GSE1: variants seen among roughly 807,000 people sequenced by gnomAD.
GSE1 encodes genetic suppressor element 1.
GSE1 carries 32 observed loss-of-function variants against 112.6 expected under a neutral mutation model. The ratio of observed to expected loss-of-function variants is 0.28; its 90% CI spans 0.21 to 0.38. The LOEUF is 0.38. GSE1 is among the 10% of genes least tolerant of loss of function. GSE1 has a pLI of 1.00. For synonymous variants in GSE1, 1,115 were observed against 735.6 expected, an observed-to-expected ratio of 1.52 and a Z score of -8.35; for missense variants, 2,348 against 1,699.2, an observed-to-expected ratio of 1.38 and a Z score of -6.71.
intron 2 of GSE1, chr16:85,489,870 A>C (rs11640642): frequency 6.6e-6 from 1 of 152,028 alleles, no homozygotes; most frequent in Non-Finnish European, 1.5e-5. Flanking sequence ...GAGGAGAGAC[A>C]GGCAGGAAAG....
At chr16:85,300,770 T>G (rs1364885638) in intron 1 of GSE1, among the ~76,000 whole-genome samples, 1 of 152,040 alleles carries the variant, frequency 6.6e-6, no homozygotes, top group Non-Finnish European at 1.5e-5. Flanking sequence ...AGTCTCACGC[T>G]GTGTGGATGG....
At chr16:85,226,572 G>T (rs1020418759) in intron 1 of GSE1, among the ~76,000 whole-genome samples, 1 of 152,080 alleles carries the variant, frequency 6.6e-6, no homozygotes, top group Non-Finnish European at 1.5e-5. Flanking sequence ...GGCATCTTAC[G>T]TCCTTGGGCC....
intron 1 of GSE1, among the ~76,000 whole-genome samples, chr16:85,246,686 C>G (rs1905877970): frequency 6.6e-6 from 1 of 152,110 alleles, no homozygotes. Context: ...CACTCCCACC[C>G]TCGGAGGCCC....
intron 1 of GSE1, among the ~76,000 whole-genome samples, chr16:85,614,901 G>A (rs960568281): frequency 6.6e-6 from 1 of 152,180 alleles, no homozygotes; most frequent in African/African-American, 2.4e-5. Flanking sequence ...CCGCACTCCG[G>A]GTGGAAGCGA....
At chr16:85,529,948 A>AG (rs1198276047) in intron 2 of GSE1, among the ~76,000 whole-genome samples, 1 of 152,216 alleles carries the variant, frequency 6.6e-6, no homozygotes, top group Non-Finnish European at 1.5e-5. Flanking sequence ...GTGTGTGGAC[A>AG]GGCACTGGCA....
At chr16:85,590,938 G>A (rs1298214008) in intron 1 of GSE1, among the ~76,000 whole-genome samples, 1 of 152,296 alleles carries the variant, frequency 6.6e-6, no homozygotes, top group South Asian at 2.1e-4. Flanking sequence ...CATGCGGTGG[G>A]GGGGACCAGA....
In GSE1 at chr16:85,532,317, G is replaced by A. The variant is rs992221592; in HGVS notation, c.2465-101597G>A. Among the ~76,000 whole-genome samples the A allele has an allele frequency of 3.3e-5, 5 of 152,272 alleles. No homozygotes were observed. In the South Asian group the frequency reaches 6.2e-4, roughly 19 times the overall value. Reference sequence around the variant, plus strand: ...GCTCTGTTGCCCAGGTTGCAGTGTTGTGGTACAATCATGGCTCACTGCAGC... The same window carrying A: ...GCTCTGTTGCCCAGGTTGCAGTGTTATGGTACAATCATGGCTCACTGCAGC... On this transcript the variant is annotated intron_variant, in intron 2 of 2. Coordinates refer to the GSE1 transcript ENST00000637419.
At chr16:85,228,412 G>A (rs968029615) in intron 1 of GSE1, among the ~76,000 whole-genome samples, 2 of 152,216 alleles carry the variant, frequency 1.3e-5, no homozygotes, top group Admixed American at 6.5e-5. Flanking sequence ...GAGCTTCGGG[G>A]AAGGCTGAGT....
At chr16:85,572,856 C>A (rs984442841) in intron 1 of GSE1, among the ~76,000 whole-genome samples, 1 of 152,152 alleles carries the variant, frequency 6.6e-6, no homozygotes, top group East Asian at 1.9e-4. Context: ...ATGATCAAGT[C>A]AGGGCATTGC....
chr16:85,547,889 A>G (rs903182456), intron 2 of GSE1, among the ~76,000 whole-genome samples: 2 of 151,192 alleles, frequency 1.3e-5, no homozygotes, highest in African/African-American at 2.4e-5. Context: ...AAAAAAAAAA[A>G]AAAAAAAATC....
chr16:85,336,426 G>T (rs1314058189), intron 1 of GSE1, among the ~76,000 whole-genome samples: 1 of 152,206 alleles, frequency 6.6e-6, no homozygotes, highest in Non-Finnish European at 1.5e-5. Context: ...CCAGTCGGTG[G>T]CGTTCAGCAC....
chr16:85,480,131 A>C (rs974223013), intron 2 of GSE1, among the ~76,000 whole-genome samples: 1 of 152,208 alleles, frequency 6.6e-6, no homozygotes, highest in African/African-American at 2.4e-5. Context: ...TAGATGATGA[A>C]ACTGAGGCAC....
Position 85,671,457 on chromosome 16 carries a change from AG to A in GSE1, c.3519+360del, listed in dbSNP as rs200090530. Among the ~76,000 whole-genome samples, 26 of 147,970 alleles carry A rather than the reference AG, an allele frequency of 1.8e-4. 3 individuals are homozygous for A. Among genetic ancestry groups the A allele is most frequent in the Non-Finnish European group, 3.0e-4 (20 of 66,914 alleles). Reference sequence around the variant, plus strand: ...TCCGTCTCAAAAAAAAAAAAAAAAAAGATCAAAATTTGGACTGCATGCAATG... The same window carrying A: ...TCCGTCTCAAAAAAAAAAAAAAAAAAATCAAAATTTGGACTGCATGCAATG... On this transcript the variant is annotated intron_variant, in intron 15 of 15. Coordinates refer to ENST00000253458, the MANE Select transcript of GSE1 (RefSeq NM_014615.5).
At chr16:85,639,616 G>C (rs1443476914) in intron 2 of GSE1, among the ~76,000 whole-genome samples, 1 of 152,256 alleles carries the variant, frequency 6.6e-6, no homozygotes, top group South Asian at 2.1e-4. Context: ...GGGAACGCCT[G>C]TGCGTGGAGC....
At chr16:85,670,215 C>T (rs1285894510) in intron 14 of GSE1, among the ~76,000 whole-genome samples, 3 of 152,214 alleles carry the variant, frequency 2.0e-5, no homozygotes, top group African/African-American at 4.8e-5. Context: ...CACAGATGAT[C>T]AAACCTGCAA....
intron 1 of GSE1, among the ~76,000 whole-genome samples, chr16:85,336,130 G>A (rs1031642029): frequency 6.6e-6 from 1 of 152,204 alleles, no homozygotes; most frequent in Non-Finnish European, 1.5e-5. Flanking sequence ...GTGAGGACCC[G>A]GCTGCAGTTC....
intron 1 of GSE1, among the ~76,000 whole-genome samples, chr16:85,565,754 G>A (rs943314670): frequency 6.6e-6 from 1 of 152,238 alleles, no homozygotes; most frequent in African/African-American, 2.4e-5. Flanking sequence ...AGGCTGTGGG[G>A]TGAGCGGTGC....
intron 2 of GSE1, among the ~76,000 whole-genome samples, chr16:85,648,232 C>T (rs1194911053): frequency 2.0e-5 from 3 of 152,286 alleles, no homozygotes; most frequent in South Asian, 2.1e-4. Flanking sequence ...TGGTCCTGCC[C>T]GCCCTGCCCA....
chr16:85,298,313 G>A (rs1292315613), intron 1 of GSE1, among the ~76,000 whole-genome samples: 1 of 152,190 alleles, frequency 6.6e-6, no homozygotes, highest in Non-Finnish European at 1.5e-5. Context: ...TATCCAAGAA[G>A]AAGCGCTTTA....
Sources: allele counts gnomAD v4.1 joint callset (sites outside exome capture counted in the v4.1 genomes callset), GRCh38; gene constraint gnomAD v4.1.1; transcripts MANE v1.5; gene names NCBI Gene and HGNC (gene_info 2026-07-23, HGNC 2026-07-21).